Variants in CDK14 observed in about 807,000 individuals in gnomAD.
CDK14 encodes cyclin dependent kinase 14, also known as cyclin-dependent kinase 14.
In CDK14, 34 loss-of-function variants were observed where a neutral mutation model predicts 60.7. The ratio of observed to expected loss-of-function variants is 0.56; its 90% confidence interval spans 0.43 to 0.75. The LOEUF is 0.75. Ranked by LOEUF, CDK14 falls within the 30% of genes least tolerant of loss-of-function variation. CDK14 has a pLI of 0.00. For synonymous variants in CDK14, 197 were observed against 203.7 expected, an observed-to-expected ratio of 0.97 and a Z score of 0.28; for missense variants, 482 against 564.1, an observed-to-expected ratio of 0.85 and a Z score of 1.47.
chr7:90,901,897 G>A (rs906684393), intron 7 of CDK14, among the ~76,000 whole-genome samples: 13 of 151,922 alleles, frequency 8.6e-5, no homozygotes, highest in Admixed American at 8.5e-4. Flanking sequence ...TTACAGAGCT[G>A]ATAAACTAAT....
intron 2 of CDK14, among the ~76,000 whole-genome samples, chr7:90,672,066 G>A (rs186690101): frequency 6.6e-6 from 1 of 152,340 alleles, no homozygotes; most frequent in East Asian, 1.9e-4. Flanking sequence ...TGGAGTTAAT[G>A]TGGAAAGGTG....
At chr7:91,140,963 G>C (rs1478014094) in intron 14 of CDK14, among the ~76,000 whole-genome samples, 1 of 152,044 alleles carries the variant, frequency 6.6e-6, no homozygotes, top group Non-Finnish European at 1.5e-5. Flanking sequence ...GTATTGCTTG[G>C]TAAAAGTTGT....
chr7:91,160,669 A>C (rs1047872389), intron 14 of CDK14, among the ~76,000 whole-genome samples: 4 of 152,080 alleles, frequency 2.6e-5, no homozygotes, highest in Non-Finnish European at 4.4e-5. Context: ...ATATATTTTT[A>C]AAGATTTTCT....
intron 4 of CDK14, among the ~76,000 whole-genome samples, chr7:90,775,037 T>C (rs1415423708): frequency 1.3e-5 from 2 of 152,318 alleles, no homozygotes; most frequent in East Asian, 1.9e-4. Flanking sequence ...GCTTTGGAGA[T>C]GCTTTTTTCA....
chr7:91,179,070 A>G lies in CDK14; in HGVS notation c.*29-28095A>G, dbSNP rs550357007. On this transcript the variant is annotated intron_variant, in intron 14 of 14. Coordinates refer to ENST00000380050, the MANE Select transcript of CDK14 (RefSeq NM_001287135.2). Reference sequence around the variant, plus strand: ...TTGGAACCAACCCAAATGTCCAACAATGATAGACTGGATTAAGAAAATGTG... The same window carrying G: ...TTGGAACCAACCCAAATGTCCAACAGTGATAGACTGGATTAAGAAAATGTG... 2.0e-5 allele frequency among the ~76,000 whole-genome samples: 3 copies of G among 152,292 alleles called. No individual in the cohort carries two copies. In the South Asian group the frequency reaches 6.2e-4, roughly 32 times the overall value.
chr7:90,640,964 T>C (rs753393510), intron 2 of CDK14, among the ~76,000 whole-genome samples: 1 of 152,036 alleles, frequency 6.6e-6, no homozygotes, highest in Non-Finnish European at 1.5e-5. Context: ...TCAAAGAGGA[T>C]ATACACATGG....
chr7:91,096,077 A>AAAAC (rs1554426488), intron 12 of CDK14, among the ~76,000 whole-genome samples: 1 of 150,458 alleles, frequency 6.6e-6, no homozygotes, highest in East Asian at 1.9e-4. Context: ...AAAAAAAAAA[A>AAAAC]AAAAAAAAAA....
intron 5 of CDK14, among the ~76,000 whole-genome samples, chr7:90,835,577 A>G (rs1366423476): frequency 1.3e-5 from 2 of 152,192 alleles, no homozygotes; most frequent in African/African-American, 4.8e-5. Context: ...AGTGCTAGGT[A>G]AATGTGACAT....
rs1799036509 is a variant in CDK14 at position 91,097,727 on chromosome 7, C to A, written c.1155-14815C>A. On this transcript the variant is annotated intron_variant, in intron 12 of 14. Coordinates refer to ENST00000380050, the MANE Select transcript of CDK14 (RefSeq NM_001287135.2). ...GGCTACGTTGCTCCTCCTGTCTGAA[C>A]CTCAGCTCCTTCATCTGCAAGGTGG... is the stretch of plus-strand genomic sequence containing the variant. Among the ~76,000 whole-genome samples the A allele has an allele frequency of 1.3e-5, 2 of 152,164 alleles. 1 individual carries two copies. Among genetic ancestry groups the A allele is most frequent in the South Asian group, 4.1e-4 (2 of 4,828 alleles).
At chr7:90,943,158 C>G (rs1417276081) in intron 8 of CDK14, among the ~76,000 whole-genome samples, 2 of 152,124 alleles carry the variant, frequency 1.3e-5, no homozygotes, top group Non-Finnish European at 2.9e-5. Flanking sequence ...TCCTAGTAAG[C>G]AAAGGAAGAA....
chr7:90,748,819 GCTTAAGTGATCCTCTGGC>G (rs1803696657), intron 4 of CDK14, among the ~76,000 whole-genome samples: 1 of 152,140 alleles, frequency 6.6e-6, no homozygotes, highest in African/African-American at 2.4e-5. Flanking sequence ...AAACTCCTGG[GCTTAAGTGATCCTCTGGC>G]CTCGGCCACC....
intron 10 of CDK14, among the ~76,000 whole-genome samples, chr7:91,008,975 C>G (rs1796074608): frequency 6.6e-6 from 1 of 152,100 alleles, no homozygotes; most frequent in South Asian, 2.1e-4. Flanking sequence ...ATCATTCCCC[C>G]TCAATTTCTT....
At chr7:91,034,943 CAT>C (rs149656587) in intron 10 of CDK14, among the ~76,000 whole-genome samples, 19 of 94,114 alleles carry the variant, frequency 2.0e-4, no homozygotes, top group African/African-American at 7.8e-4. Context: ...CACACATACA[CAT>C]ACACACACAC....
rs182554679 is a variant in CDK14, at chr7:90,705,069, G to T, written c.124-21498G>T. ...TTTAAAAGAGAAAGTATTTGCTAGG[G>T]TTATATGGAATTATAATCATTTGAA... On this transcript the variant is annotated intron_variant, in intron 2 of 14. Coordinates refer to ENST00000380050, the MANE Select transcript of CDK14 (RefSeq NM_001287135.2). 3.3e-5 allele frequency among the ~76,000 whole-genome samples: 5 copies of T among 151,724 alleles called. No homozygotes were observed. In the East Asian group the frequency reaches 9.7e-4, roughly 29 times the overall value.
intron 2 of CDK14, among the ~76,000 whole-genome samples, chr7:90,644,393 T>C (rs1800415045): frequency 6.6e-6 from 1 of 152,250 alleles, no homozygotes; most frequent in Non-Finnish European, 1.5e-5. Context: ...ATCTCCGTTT[T>C]CCTGATGGGT....
chr7:90,887,768 G>T (rs999974285), intron 6 of CDK14, among the ~76,000 whole-genome samples: 1 of 151,972 alleles, frequency 6.6e-6, no homozygotes, highest in African/African-American at 2.4e-5. Context: ...TGTTACCACT[G>T]GGTCAAATTA....
chr7:91,132,535 A>T (rs956601407), intron 14 of CDK14, among the ~76,000 whole-genome samples: 3 of 152,194 alleles, frequency 2.0e-5, no homozygotes, highest in Admixed American at 6.6e-5. Flanking sequence ...GAACCAAAAC[A>T]TCTTCAAGCT....
chr7:90,899,400 A>G, intron 7 of CDK14, 47 bp downstream of exon 7: 1 of 1,436,360 alleles, frequency 7.0e-7, no homozygotes. Context: ...CTTGATGTGT[A>G]TTTTTTGAAC....
rs146831609 is a variant in CDK14, at chr7:90,626,057, A to G, written c.123+21808A>G. On this transcript the variant is annotated intron_variant, in intron 2 of 14. Coordinates refer to ENST00000380050, the MANE Select transcript of CDK14 (RefSeq NM_001287135.2). ...AGTTATACCTCTGCAAATCAATACA[A>G]TCTTTCTGTGACTTCCACTGGTAGC... 4.0e-3 allele frequency among the ~76,000 whole-genome samples: 609 copies of G among 152,304 alleles called. 10 individuals are homozygous for G. The highest frequency in any genetic ancestry group is 0.032 in the South Asian group (154 of 4,822).
Sources: allele counts gnomAD v4.1 joint callset (sites outside exome capture counted in the v4.1 genomes callset), GRCh38; gene constraint gnomAD v4.1.1; transcripts MANE v1.5; gene names NCBI Gene and HGNC (gene_info 2026-07-23, HGNC 2026-07-21).